MYT1L: variants seen among roughly 807,000 people sequenced by gnomAD.
MYT1L encodes the protein myelin transcription factor 1-like protein.
Under a neutral mutation model 126.7 loss-of-function variants are expected in MYT1L, and 12 were observed. The ratio of observed to expected loss-of-function variants is 0.09; its 90% CI spans 0.06 to 0.15. The LOEUF (loss-of-function observed/expected upper bound fraction) is 0.15, where lower values mean the gene tolerates loss of function less well. MYT1L is among the 10% of genes least tolerant of loss of function. The probability of loss-of-function intolerance (pLI) is 1.00; values close to 1 mark genes in which losing one functional copy is unlikely to be tolerated. For missense variants in MYT1L, 979 were observed against 1,585.2 expected, an observed-to-expected ratio of 0.62 and a Z score of 6.49; for synonymous variants, 541 against 604.2, an observed-to-expected ratio of 0.90 and a Z score of 1.53.
At chr2:2,104,314 A>G (rs933516124) in intron 3 of MYT1L, among the ~76,000 whole-genome samples, 1 of 152,272 alleles carries the variant, frequency 6.6e-6, no homozygotes, top group South Asian at 2.1e-4. Context: ...ATTGATGATG[A>G]TAAGATACTT....
intron 8 of MYT1L, among the ~76,000 whole-genome samples, chr2:1,972,480 CTTTT>C (rs1553371242): frequency 6.6e-6 from 1 of 152,134 alleles, no homozygotes; most frequent in Non-Finnish European, 1.5e-5. Flanking sequence ...TCTGTTTCTT[CTTTT>C]TTTATTTATT....
At chr2:1,803,005 C>T (rs550024643) in intron 22 of MYT1L, among the ~76,000 whole-genome samples, 3 of 152,182 alleles carry the variant, frequency 2.0e-5, no homozygotes, top group South Asian at 4.2e-4. Flanking sequence ...AACCAGAGGC[C>T]GAGGCCTGAG....
intron 1 of MYT1L, among the ~76,000 whole-genome samples, chr2:2,308,781 A>G (rs1212017322): frequency 1.3e-5 from 2 of 151,830 alleles, no homozygotes; most frequent in Non-Finnish European, 2.9e-5. Flanking sequence ...CCTTCAGTAC[A>G]TTGTATCCCT....
rs968237244 is a variant in MYT1L at position 2,113,812 on chromosome 2, T to C, written c.-304+59060A>G. On this transcript the variant is annotated intron_variant, in intron 3 of 24. Transcript: ENST00000647738. The stretch of plus-strand genomic sequence containing the variant: ...AGTTATGAAAATATTACTGCCTCCA[T>C]TACACAGATAGGAAAATAGTTATGA... Among the ~76,000 whole-genome samples the C allele has an allele frequency of 3.9e-5, 6 of 152,244 alleles. No homozygotes were observed. The South Asian group carries it at 6.2e-4, about 16-fold the overall frequency.
At chr2:1,882,001 T>C (rs2047620797) in intron 18 of MYT1L, among the ~76,000 whole-genome samples, 3 of 152,036 alleles carry the variant, frequency 2.0e-5, no homozygotes, top group African/African-American at 7.2e-5. Flanking sequence ...TTGCAGTCGA[T>C]TGTCTCTACA....
chr2:1,855,017 C>T (rs1248591907), intron 18 of MYT1L, among the ~76,000 whole-genome samples: 1 of 152,250 alleles, frequency 6.6e-6, no homozygotes, highest in East Asian at 1.9e-4. Context: ...TTCTAGACCA[C>T]ATAAGGCAGC....
chr2:2,026,267 G>A (rs1007456986), intron 4 of MYT1L, among the ~76,000 whole-genome samples: 8 of 152,148 alleles, frequency 5.3e-5, no homozygotes, highest in Non-Finnish European at 1.0e-4. Context: ...AAGGGTGTGC[G>A]GGGGACGTGG....
chr2:1,897,460 T>TG (rs1404983178), intron 14 of MYT1L, among the ~76,000 whole-genome samples: 21 of 151,516 alleles, frequency 1.4e-4, no homozygotes, highest in East Asian at 3.9e-4. Context: ...CTTTTTTTTT[T>TG]TTTGTTTGTT....
chr2:2,109,874 T>TA (rs1355124223), intron 3 of MYT1L, among the ~76,000 whole-genome samples: 8 of 100,496 alleles, frequency 8.0e-5, no homozygotes, highest in Admixed American at 3.8e-4. Flanking sequence ...AAGTGCTGAT[T>TA]TTATATATAT....
At chr2:2,312,299 C>T (rs891167652) in intron 1 of MYT1L, among the ~76,000 whole-genome samples, 1 of 152,154 alleles carries the variant, frequency 6.6e-6, no homozygotes, top group African/African-American at 2.4e-5. Flanking sequence ...TCTATCTCTC[C>T]CTTTCTCTTT....
chr2:1,957,000 A>G (rs1207305418), intron 8 of MYT1L, among the ~76,000 whole-genome samples: 3 of 152,190 alleles, frequency 2.0e-5, no homozygotes, highest in Non-Finnish European at 4.4e-5. Context: ...GTGAGCAGGA[A>G]GGGGTCCTCA....
At chr2:1,909,990 T>C (rs933869498) in intron 13 of MYT1L, among the ~76,000 whole-genome samples, 2 of 152,132 alleles carry the variant, frequency 1.3e-5, no homozygotes, top group African/African-American at 2.4e-5. Context: ...AAACCAGAAA[T>C]GATTTCCTCC....
At chr2:1,966,168 G>A (rs1010713927) in intron 8 of MYT1L, among the ~76,000 whole-genome samples, 5 of 152,210 alleles carry the variant, frequency 3.3e-5, no homozygotes, top group African/African-American at 9.6e-5. Context: ...TTCAGCTATG[G>A]CAAAAACCAT....
intron 2 of MYT1L, among the ~76,000 whole-genome samples, chr2:2,212,343 C>T (rs561221080): frequency 6.6e-6 from 1 of 151,564 alleles, no homozygotes; most frequent in African/African-American, 2.4e-5. Flanking sequence ...TGGTGCCTAG[C>T]TGAGGCTCAG....
intron 2 of MYT1L, among the ~76,000 whole-genome samples, chr2:2,211,493 G>A (rs2093505016): frequency 6.6e-6 from 1 of 151,948 alleles, no homozygotes; most frequent in Non-Finnish European, 1.5e-5. Flanking sequence ...TATTACAAGA[G>A]AAAAATAACT....
chr2:1,872,387 G>A (rs1333557153), intron 18 of MYT1L, among the ~76,000 whole-genome samples: 1 of 152,206 alleles, frequency 6.6e-6, no homozygotes, highest in Non-Finnish European at 1.5e-5. Context: ...TGCCAGCTAG[G>A]AAAATGGTTT....
intron 1 of MYT1L, among the ~76,000 whole-genome samples, chr2:2,315,500 A>T (rs1339370961): frequency 6.6e-6 from 1 of 152,206 alleles, no homozygotes; most frequent in Non-Finnish European, 1.5e-5. Flanking sequence ...TGCCTATAAC[A>T]ATCCTATAGA....
intron 3 of MYT1L, among the ~76,000 whole-genome samples, chr2:2,118,245 G>T (rs1375331598): frequency 6.6e-6 from 1 of 151,862 alleles, no homozygotes. Context: ...TCCTCCAGGC[G>T]GTGTGCTCCA....
At chr2:1,863,538 C>G (rs2044998539) in intron 18 of MYT1L, among the ~76,000 whole-genome samples, 1 of 139,108 alleles carries the variant, frequency 7.2e-6, no homozygotes. Context: ...GCCACGCTTG[C>G]AGAGTACTGT....
Sources: allele counts gnomAD v4.1 joint callset (sites outside exome capture counted in the v4.1 genomes callset), GRCh38; gene constraint gnomAD v4.1.1; transcripts MANE v1.5; gene names NCBI Gene and HGNC (gene_info 2026-07-23, HGNC 2026-07-21).